The following GAPVD1 variants were observed in gnomAD, a reference collection of about 807,000 sequenced individuals.
The protein encoded by GAPVD1 is GTPase activating protein and VPS9 domains 1.
Under a neutral mutation model 155.5 loss-of-function variants are expected in GAPVD1, and 35 were observed. The ratio of observed to expected loss-of-function variants is 0.23; its 90% confidence interval spans 0.17 to 0.30. The LOEUF (loss-of-function observed/expected upper bound fraction) is 0.30. Among genes scored for constraint, GAPVD1 ranks in the 10% least tolerant of loss-of-function variants. The probability of loss-of-function intolerance (pLI) is 1.00; values close to 1 mark genes in which losing one functional copy is unlikely to be tolerated. For missense variants in GAPVD1, 1,429 were observed against 1,775.7 expected, an observed-to-expected ratio of 0.80 and a Z score of 3.51; for synonymous variants, 636 against 619.7, an observed-to-expected ratio of 1.03 and a Z score of -0.39.
intron 20 of GAPVD1, among the ~76,000 whole-genome samples, 161 bp from the exon 21 acceptor site, chr9:125,349,229 C>G (rs1848958775): frequency 6.6e-6 from 1 of 152,136 alleles, no homozygotes; most frequent in Non-Finnish European, 1.5e-5. Context: ...ATTGATAATT[C>G]AGTTAAGTAT....
intron 2 of GAPVD1, among the ~76,000 whole-genome samples, chr9:125,274,685 C>T (rs1256478332): frequency 6.6e-6 from 1 of 152,066 alleles, no homozygotes; most frequent in Non-Finnish European, 1.5e-5. Context: ...TGGTCTTGAA[C>T]CCCCAACCTA....
chr9:125,270,741 T>G (rs1402862764), intron 2 of GAPVD1, among the ~76,000 whole-genome samples: 1 of 152,130 alleles, frequency 6.6e-6, no homozygotes, highest in Non-Finnish European at 1.5e-5. Context: ...GTCAGGAGTT[T>G]GAGACCAGCG....
At position 125,363,011 on chromosome 9, in the gene GAPVD1, A is replaced by G. The variant is rs2132774164; in HGVS notation, c.*265A>G. On this transcript the variant is annotated 3_prime_UTR_variant, in exon 28 of 28. Coordinates refer to ENST00000297933, the MANE Select transcript of GAPVD1 (RefSeq NM_001282680.3). ...CTACAAAAAGGGACCACATTTTTCA[A>G]GTATTTCTAAGTATAAAAAACAAAA... 1 of 201,026 alleles carries G rather than the reference A, an allele frequency of 5.0e-6. No homozygotes were observed. Among genetic ancestry groups the G allele is most frequent in the South Asian group, 1.8e-4 (1 of 5,632 alleles). The allele number at this position is 201,026 out of a possible 1,614,324, so 12.5% of individuals were successfully genotyped here.
intron 9 of GAPVD1, among the ~76,000 whole-genome samples, chr9:125,314,645 ACT>A (rs747527843): frequency 2.6e-5 from 4 of 151,878 alleles, no homozygotes; most frequent in Non-Finnish European, 5.9e-5. Flanking sequence ...CAAGAGTGAA[ACT>A]CTGTCTCAAA....
chr9:125,266,601 C>G (rs1834012370), intron 1 of GAPVD1, among the ~76,000 whole-genome samples: 1 of 152,112 alleles, frequency 6.6e-6, no homozygotes, highest in Non-Finnish European at 1.5e-5. Flanking sequence ...GCGTGAGCCA[C>G]CGCGCGCAGC....
At chr9:125,357,847 C>T (rs1341154091) in intron 25 of GAPVD1, among the ~76,000 whole-genome samples, 1 of 152,036 alleles carries the variant, frequency 6.6e-6, no homozygotes, top group East Asian at 2.0e-4. Context: ...TGATGGCTCA[C>T]ACCTGTCATG....
intron 2 of GAPVD1, among the ~76,000 whole-genome samples, chr9:125,276,877 G>C (rs1163721334): frequency 2.0e-5 from 3 of 152,030 alleles, no homozygotes; most frequent in Non-Finnish European, 4.4e-5. Context: ...TCTCATATCA[G>C]CCTCCTGAGA....
chr9:125,305,532 G>A (rs921519501), intron 6 of GAPVD1, among the ~76,000 whole-genome samples: 3 of 151,962 alleles, frequency 2.0e-5, no homozygotes, highest in Admixed American at 6.6e-5. Context: ...CACTACACCC[G>A]GCTAATTTTT....
intron 17 of GAPVD1, among the ~76,000 whole-genome samples, chr9:125,339,669 A>G (rs1425724969): frequency 2.0e-5 from 3 of 152,282 alleles, no homozygotes; most frequent in East Asian, 1.9e-4. Context: ...TTTCTCCATA[A>G]ATAAGACCAT....
At position 125,312,612 on chromosome 9, in the gene GAPVD1, G is replaced by A; in HGVS notation, c.1602G>A (p.Glu534=). ...CTCCAGGGATGATGTCAGAAAATGAGGTATGAATCAGTTGCTTCTATAAAT... is the reference window on the plus strand; with the variant it reads ...CTCCAGGGATGATGTCAGAAAATGAAGTATGAATCAGTTGCTTCTATAAAT... The part of the protein sequence containing the change: ...QLTPGMMSEN[E]VLNMQLSDGG... Residue 534 remains glutamate (E), a splice_region_variant and synonymous_variant, in exon 9 of 28, where the codon GAG becomes GAA. Transcript: ENST00000297933. 6.3e-7 allele frequency: 1 copy of A among 1,576,848 alleles called. No homozygotes were observed. Among genetic ancestry groups the A allele is most frequent in the South Asian group, 1.2e-5 (1 of 83,712 alleles).
chr9:125,307,342 C>T, intron 6 of GAPVD1, 71 bp from the exon 7 acceptor site: 1 of 1,042,838 alleles, frequency 9.6e-7, no homozygotes, highest in Admixed American at 2.7e-5. Context: ...CATGCTTGTC[C>T]ACCTTAATGA....
At position 125,337,514 on chromosome 9, in the gene GAPVD1, G is replaced by C. The variant is rs1319884867; in HGVS notation, c.2800G>C (p.Ala934Pro). 20 of 1,614,044 alleles carry C rather than the reference G, an allele frequency of 1.2e-5. No homozygotes were observed. Residue 934 changes from alanine to proline, a missense_variant, in exon 17 of 28, where the codon GCC (alanine) becomes CCC (proline). By Grantham distance (27) the Ala-to-Pro change is conservative. Coordinates refer to ENST00000297933, the MANE Select transcript of GAPVD1 (RefSeq NM_001282680.3). Reference protein sequence around the residue: ...NEERELPPAAAIGATSLVAAP... With the variant: ...NEERELPPAAPIGATSLVAAP... ...AGAGCGAGAACTCCCTCCAGCTGCA[G>C]CCATTGGTGCTACTTCTTTGGTGGC...
chr9:125,365,792 CCACACCCAG>C lies in GAPVD1; in HGVS notation c.*3048_*3056del. On this transcript the variant is annotated 3_prime_UTR_variant, in exon 28 of 28. Transcript: ENST00000297933. ...TTGCTCAGATTACAAGTGTATGCCA[CCACACCCAG>C]CTAATTTTTGTATTTTTTGTAGAGA... 6.6e-6 allele frequency: 1 copy of C among 152,180 alleles called. No homozygotes were observed. Among genetic ancestry groups the C allele is most frequent in the Non-Finnish European group, 1.5e-5 (1 of 68,064 alleles). 9.4% of individuals were successfully genotyped at this position (152,180 alleles called of 1,614,324 possible).
At chr9:125,313,623 C>T (rs1842975802) in intron 9 of GAPVD1, among the ~76,000 whole-genome samples, 1 of 151,550 alleles carries the variant, frequency 6.6e-6, no homozygotes, top group East Asian at 1.9e-4. Context: ...TTTTTTTTGA[C>T]ATGGAGTGTC....
intron 2 of GAPVD1, among the ~76,000 whole-genome samples, chr9:125,269,710 C>CTTTTTT (rs951306489): frequency 9.5e-5 from 5 of 52,702 alleles, no homozygotes; most frequent in South Asian, 6.3e-4. Flanking sequence ...CCATGCCTGG[C>CTTTTTT]TTTTTTTTTT....
intron 11 of GAPVD1, among the ~76,000 whole-genome samples, chr9:125,325,244 G>A (rs1340010165): frequency 2.0e-5 from 3 of 148,394 alleles, no homozygotes; most frequent in Non-Finnish European, 3.0e-5. Flanking sequence ...AAGATGGGCC[G>A]GGTGCGGTGG....
intron 11 of GAPVD1, among the ~76,000 whole-genome samples, chr9:125,325,682 A>C (rs1845060637): frequency 6.6e-6 from 1 of 152,098 alleles, no homozygotes; most frequent in Non-Finnish European, 1.5e-5. Context: ...TTGTCATTGG[A>C]GTGTGTGTGG....
At chr9:125,297,232 C>T (rs1840031897) in intron 3 of GAPVD1, among the ~76,000 whole-genome samples, 1 of 152,178 alleles carries the variant, frequency 6.6e-6, no homozygotes, top group Non-Finnish European at 1.5e-5. Context: ...TAGGCCGTCT[C>T]CTAGTCCCTG....
chr9:125,268,347 A>G (rs1307718263), intron 1 of GAPVD1, among the ~76,000 whole-genome samples: 2 of 151,928 alleles, frequency 1.3e-5, no homozygotes, highest in Non-Finnish European at 2.9e-5. Flanking sequence ...ATTACCTTAC[A>G]TGGTAACACT....
Sources: gnomAD v4.1 joint callset for allele counts (sites outside exome capture counted in the v4.1 genomes callset) on GRCh38, gnomAD v4.1.1 for gene constraint, MANE v1.5 for transcripts, NCBI Gene and HGNC (gene_info 2026-07-23, HGNC 2026-07-21) for gene names.